The following STX8 variants were observed in gnomAD, a reference collection of about 807,000 sequenced individuals.
STX8 encodes syntaxin-8.
In STX8, 23 loss-of-function variants were observed where a neutral mutation model predicts 37.5. The observed-to-expected ratio is 0.61, with a 90% CI of 0.44 to 0.87. STX8 has a LOEUF of 0.87. Among genes scored for constraint, STX8 ranks in the 40% least tolerant of loss-of-function variants. The pLI is 0.00. For missense variants in STX8, 313 were observed against 284.7 expected (o/e 1.10, Z -0.71); for synonymous variants, 115 against 99.1 (o/e 1.16, Z -0.95).
intron 6 of STX8, among the ~76,000 whole-genome samples, chr17:9,466,864 A>G (rs1250431186): frequency 2.0e-5 from 3 of 152,056 alleles, no homozygotes; most frequent in Non-Finnish European, 4.4e-5. Context: ...CGTTTACTAT[A>G]CACTAGGTGG....
At chr17:9,337,145 T>C (rs1001521539) in intron 7 of STX8, among the ~76,000 whole-genome samples, 13 of 152,116 alleles carry the variant, frequency 8.5e-5, no homozygotes, top group African/African-American at 3.1e-4. Flanking sequence ...ATCTTGAGAA[T>C]TCCACAGGAA....
At chr17:9,414,966 T>G (rs1913132988) in intron 6 of STX8, among the ~76,000 whole-genome samples, 1 of 151,902 alleles carries the variant, frequency 6.6e-6, no homozygotes, top group Non-Finnish European at 1.5e-5. Flanking sequence ...AATTTTTGTA[T>G]TTTTAGTAGA....
At chr17:9,360,923 A>G in intron 7 of STX8, among the ~76,000 whole-genome samples, 1 of 152,172 alleles carries the variant, frequency 6.6e-6, no homozygotes. Context: ...GGTGCCGGCT[A>G]CAGGTCCCTG....
chr17:9,427,430 C>T lies in STX8; in HGVS notation c.542-48777G>A, dbSNP rs549194529. ...AGGACAAAAATCCATGTCGGTATTTCTGCTATAATGTGATATATACATTCC... is the reference window on the plus strand; with the variant it reads ...AGGACAAAAATCCATGTCGGTATTTTTGCTATAATGTGATATATACATTCC... On this transcript the variant is annotated intron_variant, in intron 6 of 7. Coordinates refer to ENST00000306357, the MANE Select transcript of STX8 (RefSeq NM_004853.3). Among the ~76,000 whole-genome samples the T allele has an allele frequency of 1.9e-4, 29 of 152,272 alleles. 1 individual carries two copies. The South Asian group carries it at 3.5e-3, about 19-fold the overall frequency.
chr17:9,384,439 C>A (rs1438273161), intron 6 of STX8, among the ~76,000 whole-genome samples: 1 of 152,100 alleles, frequency 6.6e-6, no homozygotes, highest in Non-Finnish European at 1.5e-5. Context: ...GAGATTGAGA[C>A]CATCCTGGCT....
intron 7 of STX8, among the ~76,000 whole-genome samples, chr17:9,251,245 T>A (rs1171842384): frequency 6.6e-6 from 1 of 152,198 alleles, no homozygotes; most frequent in Non-Finnish European, 1.5e-5. Context: ...TGGGTGCCAC[T>A]CTGCCTTCCA....
intron 7 of STX8, among the ~76,000 whole-genome samples, chr17:9,367,632 C>G (rs1168525984): frequency 6.6e-6 from 1 of 152,122 alleles, no homozygotes; most frequent in Non-Finnish European, 1.5e-5. Context: ...ACTAAGGCCC[C>G]CAAACCAGGA....
intron 7 of STX8, among the ~76,000 whole-genome samples, chr17:9,333,942 T>A (rs7223775): frequency 0.98 from 148,927 of 152,182 alleles, 72,947 homozygotes; most frequent in East Asian, 1. Context: ...ACAGTAATTA[T>A]CACAGAACCG....
At chr17:9,393,734 T>C (rs915052467) in intron 6 of STX8, among the ~76,000 whole-genome samples, 4 of 152,208 alleles carry the variant, frequency 2.6e-5, no homozygotes, top group Non-Finnish European at 5.9e-5. Context: ...TACTAAGAAG[T>C]TCATATATAT....
At chr17:9,487,037 C>G (rs1906628709) in intron 6 of STX8, among the ~76,000 whole-genome samples, 1 of 152,158 alleles carries the variant, frequency 6.6e-6, no homozygotes, top group Non-Finnish European at 1.5e-5. Context: ...TCTGTCATCA[C>G]TGGGATTTTC....
intron 2 of STX8, among the ~76,000 whole-genome samples, chr17:9,567,234 C>T (rs1178199272): frequency 1.3e-5 from 2 of 152,120 alleles, no homozygotes; most frequent in Non-Finnish European, 2.9e-5. Flanking sequence ...ATAACGTGTA[C>T]AACAAATCCC....
chr17:9,403,247 G>T (rs1016399645), intron 6 of STX8, among the ~76,000 whole-genome samples: 1 of 152,196 alleles, frequency 6.6e-6, no homozygotes, highest in African/African-American at 2.4e-5. Context: ...AGGTATGGGG[G>T]ACTGGTGGTG....
intron 4 of STX8, among the ~76,000 whole-genome samples, chr17:9,540,033 TAGGTATGAGAAGTTGGGGAAAGAAGGGG>T (rs1906213950): frequency 6.6e-6 from 1 of 152,154 alleles, no homozygotes; most frequent in African/African-American, 2.4e-5. Context: ...AGAGAACTAT[TAGGTATGAGAAGTTGGGGAAAGAAGGGG>T]AGGTCTCAAG....
rs116334733 is a variant in STX8 at position 9,573,480 on chromosome 17, T to C, written c.17+2312A>G. ...CGCCCTTCGAGGTGTCCCTCCCTTC[T>C]GGATTGAGCCATCATAAATCTTACA... On this transcript the variant is annotated intron_variant, in intron 1 of 7. Transcript: ENST00000306357. Among the ~76,000 whole-genome samples, 1,283 of 152,338 alleles carry C rather than the reference T, an allele frequency of 8.4e-3. 20 individuals are homozygous for C. The highest frequency in any genetic ancestry group is 0.03 in the African/African-American group (1,233 of 41,572).
intron 7 of STX8, among the ~76,000 whole-genome samples, chr17:9,280,842 A>C (rs1367409387): frequency 6.6e-6 from 1 of 152,210 alleles, no homozygotes; most frequent in Non-Finnish European, 1.5e-5. Flanking sequence ...CAGGCAAGGA[A>C]ACTAAGGCTT....
At chr17:9,330,125 C>CG (rs1909913931) in intron 7 of STX8, among the ~76,000 whole-genome samples, 1 of 152,152 alleles carries the variant, frequency 6.6e-6, no homozygotes, top group Non-Finnish European at 1.5e-5. Context: ...AGAGTCCCTC[C>CG]GTAAGCTTTC....
chr17:9,317,759 G>C (rs1368564219), intron 7 of STX8, among the ~76,000 whole-genome samples: 1 of 146,068 alleles, frequency 6.8e-6, no homozygotes, highest in East Asian at 2.0e-4. Flanking sequence ...GTGAGACTCT[G>C]TCTCAGAAAA....
chr17:9,483,094 A>G (rs541692854), intron 6 of STX8, among the ~76,000 whole-genome samples: 1 of 152,106 alleles, frequency 6.6e-6, no homozygotes, highest in Admixed American at 6.5e-5. Flanking sequence ...ATTATCACAC[A>G]CTGAGTAGCC....
chr17:9,378,602 C>T lies in STX8; in HGVS notation c.593G>A (p.Arg198His), dbSNP rs746211627. 2.9e-5 allele frequency: 47 copies of T among 1,613,708 alleles called. No individual in the cohort carries two copies. Among genetic ancestry groups the T allele is most frequent in the Middle Eastern group, 3.3e-4 (2 of 6,078 alleles). Reference sequence around the variant, plus strand: ...CATGTTTACCCGCCTGGTTTCATTGCGAAGTTTTTCATCTGTGTTCTCCAC... The same window carrying T: ...CATGTTTACCCGCCTGGTTTCATTGTGAAGTTTTTCATCTGTGTTCTCCAC... ...NLVENTDEKL[R>H]NETRRVNMVD... The change falls in exon 7 of 8, where the codon CGC becomes CAC. Residue 198 changes from arginine to histidine, a missense_variant. Transcript: ENST00000306357.
Sources: allele counts gnomAD v4.1 joint callset (sites outside exome capture counted in the v4.1 genomes callset), GRCh38; gene constraint gnomAD v4.1.1; transcripts MANE v1.5; gene names NCBI Gene and HGNC (gene_info 2026-07-23, HGNC 2026-07-21).